PRTFDC1: variants seen among roughly 807,000 people sequenced by gnomAD.
PRTFDC1 encodes phosphoribosyl transferase domain containing 1, also known as phosphoribosyltransferase domain-containing protein 1.
A neutral mutation model predicts 34.6 loss-of-function variants in PRTFDC1; 38 were observed. That is an observed-to-expected ratio of 1.10 (90% CI 0.85 to 1.44). The LOEUF is 1.44. Among genes scored for constraint, PRTFDC1 ranks in the 40% most tolerant of loss-of-function variants. PRTFDC1 has a pLI of 0.00. For synonymous variants in PRTFDC1, 93 were observed against 98.1 expected (o/e 0.95, Z 0.31); for missense variants, 270 against 283.0 (o/e 0.95, Z 0.33).
At chr10:24,906,258 C>T (rs903370174) in intron 3 of PRTFDC1, among the ~76,000 whole-genome samples, 5 of 152,202 alleles carry the variant, frequency 3.3e-5, no homozygotes, top group South Asian at 2.1e-4. Flanking sequence ...CCCCACTCCA[C>T]GTTCCTAACT....
chr10:24,880,825 TTCTTTCTTTC>T (rs1466762953), intron 3 of PRTFDC1, among the ~76,000 whole-genome samples: 1 of 114,518 alleles, frequency 8.7e-6, no homozygotes, highest in Non-Finnish European at 1.8e-5. Context: ...CTTTCTTTCT[TTCTTTCTTTC>T]TTTCTTTCTT....
chr10:24,888,304 C>A (rs12257709), intron 3 of PRTFDC1, among the ~76,000 whole-genome samples: 8,142 of 152,278 alleles, frequency 0.053, 252 homozygotes, highest in Middle Eastern at 0.17. Context: ...GGCTCAGACC[C>A]TGCCCTGCCC....
intron 1 of PRTFDC1, among the ~76,000 whole-genome samples, chr10:24,951,040 C>A (rs1036434855): frequency 2.0e-5 from 3 of 152,108 alleles, no homozygotes; most frequent in Admixed American, 1.3e-4. Context: ...CTAGGCTTGC[C>A]CCTCCTCCTG....
At chr10:24,894,530 G>C (rs1240572466) in intron 3 of PRTFDC1, among the ~76,000 whole-genome samples, 8 of 152,166 alleles carry the variant, frequency 5.3e-5, no homozygotes, top group Non-Finnish European at 8.8e-5. Flanking sequence ...CAGTGGAGAA[G>C]AGTGGTTTCT....
intron 3 of PRTFDC1, among the ~76,000 whole-genome samples, chr10:24,936,093 G>A (rs1018122829): frequency 5.9e-5 from 9 of 152,256 alleles, no homozygotes; most frequent in Non-Finnish European, 1.3e-4. Context: ...AGCAATAGAA[G>A]GCCAATTCAA....
At chr10:24,912,234 A>T (rs1319075984) in intron 3 of PRTFDC1, among the ~76,000 whole-genome samples, 1 of 119,068 alleles carries the variant, frequency 8.4e-6, no homozygotes, top group Non-Finnish European at 1.6e-5. Context: ...AGGCCATTGC[A>T]TTTCAGCCTG....
At chr10:24,909,048 A>G (rs1234546411) in intron 3 of PRTFDC1, among the ~76,000 whole-genome samples, 2 of 152,204 alleles carry the variant, frequency 1.3e-5, no homozygotes, top group Non-Finnish European at 2.9e-5. Context: ...CAATCCTAGC[A>G]TTTTGGGAGA....
intron 2 of PRTFDC1, among the ~76,000 whole-genome samples, chr10:24,941,062 T>TGTGTGTGTGTG (rs1564320103): frequency 0.012 from 1,808 of 145,094 alleles, 31 homozygotes; most frequent in African/African-American, 0.044. Context: ...GTGTGTGTGT[T>TGTGTGTGTGTG]TGTGTGTTTG....
At chr10:24,851,557 G>C (rs2132484159) in intron 7 of PRTFDC1, 93 bp from the exon 8 acceptor site, 1 of 1,533,080 alleles carries the variant, frequency 6.5e-7, no homozygotes, top group Non-Finnish European at 8.7e-7. Flanking sequence ...ACTCAAACTT[G>C]AGGACCTTTC....
At chr10:24,881,872 C>G (rs1362306538) in intron 3 of PRTFDC1, among the ~76,000 whole-genome samples, 1 of 152,062 alleles carries the variant, frequency 6.6e-6, no homozygotes, top group African/African-American at 2.4e-5. Flanking sequence ...CATACCACAC[C>G]TTTCCATCTC....
At chr10:24,852,490 T>A (rs543018771) in intron 7 of PRTFDC1, among the ~76,000 whole-genome samples, 3 of 152,172 alleles carry the variant, frequency 2.0e-5, no homozygotes, top group African/African-American at 7.2e-5. Context: ...TGTCCAGGCG[T>A]GTGATCATGG....
chr10:24,912,064 T>A (rs560166962), intron 3 of PRTFDC1, among the ~76,000 whole-genome samples: 1 of 149,974 alleles, frequency 6.7e-6, no homozygotes, highest in East Asian at 2.0e-4. Context: ...AGGTCAGGAG[T>A]TCAAGACCAG....
At chr10:24,859,165 T>C (rs1847632650) in intron 4 of PRTFDC1, among the ~76,000 whole-genome samples, 1 of 151,822 alleles carries the variant, frequency 6.6e-6, no homozygotes, top group Non-Finnish European at 1.5e-5. Context: ...TTGGTGGTGT[T>C]GTATCTGGTT....
intron 3 of PRTFDC1, 86 bp downstream of exon 3, chr10:24,937,098 C>T: frequency 2.4e-6 from 3 of 1,256,622 alleles, no homozygotes; most frequent in Non-Finnish European, 3.3e-6. Context: ...AAAAATTGCA[C>T]TCTTCATTTT....
chr10:24,910,342 G>GTTTTAA (rs1848607989), intron 3 of PRTFDC1, among the ~76,000 whole-genome samples: 1 of 152,126 alleles, frequency 6.6e-6, no homozygotes, highest in Non-Finnish European at 1.5e-5. Context: ...TTGAATTCTC[G>GTTTTAA]TTTTAAAAGC....
intron 3 of PRTFDC1, among the ~76,000 whole-genome samples, chr10:24,933,715 A>G (rs1486051325): frequency 7.2e-6 from 1 of 138,814 alleles, no homozygotes; most frequent in Non-Finnish European, 1.5e-5. Flanking sequence ...TTTTTTTGAG[A>G]TGGAGTCTCA....
At chr10:24,894,068 C>T (rs1440142234) in intron 3 of PRTFDC1, among the ~76,000 whole-genome samples, 1 of 152,168 alleles carries the variant, frequency 6.6e-6, no homozygotes, top group African/African-American at 2.4e-5. Context: ...CGCGGTGGCT[C>T]ACGCCTGTAA....
chr10:24,892,022 A>C (rs1848270549), intron 3 of PRTFDC1, among the ~76,000 whole-genome samples: 1 of 152,182 alleles, frequency 6.6e-6, no homozygotes, highest in South Asian at 2.1e-4. Flanking sequence ...TCATCTGTTG[A>C]TGCACACTTA....
chr10:24,853,079 A>G (rs535585600), intron 7 of PRTFDC1, among the ~76,000 whole-genome samples: 1 of 152,288 alleles, frequency 6.6e-6, no homozygotes, highest in South Asian at 2.1e-4. Flanking sequence ...CAAGAGCAGA[A>G]GAGGTCAGAA....
Sources: allele counts gnomAD v4.1 joint callset (sites outside exome capture counted in the v4.1 genomes callset), GRCh38; gene constraint gnomAD v4.1.1; transcripts MANE v1.5; gene names NCBI Gene and HGNC (gene_info 2026-07-23, HGNC 2026-07-21).